The following FAF1 variants were observed in gnomAD, a reference collection of about 807,000 sequenced individuals.
The protein encoded by FAF1 is FAS-associated factor 1.
FAF1 carries 25 observed loss-of-function variants against 92.5 expected under a neutral mutation model. That is an observed-to-expected ratio of 0.27 (90% CI 0.20 to 0.38). FAF1 has a LOEUF of 0.38. Among genes scored for constraint, FAF1 ranks in the 10% least tolerant of loss-of-function variants. The pLI is 1.00. For synonymous variants in FAF1, 234 were observed against 273.2 expected (o/e 0.86, Z 1.42); for missense variants, 636 against 793.3 (o/e 0.80, Z 2.38).
At chr1:50,842,594 T>C (rs1644264874) in intron 2 of FAF1, among the ~76,000 whole-genome samples, 1 of 152,076 alleles carries the variant, frequency 6.6e-6, no homozygotes, top group African/African-American at 2.4e-5. Context: ...CTTTGCTCAC[T>C]ATATTCTAGC....
At chr1:50,913,883 C>A (rs1232889215) in intron 1 of FAF1, among the ~76,000 whole-genome samples, 1 of 152,176 alleles carries the variant, frequency 6.6e-6, no homozygotes, top group Non-Finnish European at 1.5e-5. Context: ...TGTTCTGTTT[C>A]CATGCTCACC....
chr1:50,613,758 T>C (rs1652780595), intron 8 of FAF1, among the ~76,000 whole-genome samples: 1 of 151,856 alleles, frequency 6.6e-6, no homozygotes, highest in Non-Finnish European at 1.5e-5. Flanking sequence ...TTCTTATATA[T>C]ACACATGCAT....
intron 7 of FAF1, among the ~76,000 whole-genome samples, chr1:50,686,538 A>G (rs557253984): frequency 7.0e-6 from 1 of 142,408 alleles, no homozygotes; most frequent in African/African-American, 2.6e-5. Context: ...GCGAAACTCT[A>G]TCTCAAAGAA....
intron 6 of FAF1, among the ~76,000 whole-genome samples, chr1:50,707,869 C>G (rs1048979260): frequency 3.3e-5 from 5 of 152,154 alleles, no homozygotes; most frequent in African/African-American, 1.2e-4. Context: ...CTGGAAACTA[C>G]CATAGGAGTT....
intron 1 of FAF1, among the ~76,000 whole-genome samples, chr1:50,920,702 A>T (rs1276152457): frequency 6.6e-6 from 1 of 152,256 alleles, no homozygotes; most frequent in Non-Finnish European, 1.5e-5. Context: ...AATATTCAAA[A>T]AAATTAATAA....
At chr1:50,870,348 T>C (rs958439160) in intron 1 of FAF1, among the ~76,000 whole-genome samples, 1 of 152,092 alleles carries the variant, frequency 6.6e-6, no homozygotes, top group Non-Finnish European at 1.5e-5. Context: ...TCCCAGCTAC[T>C]CGGAAGGCTG....
intron 5 of FAF1, among the ~76,000 whole-genome samples, chr1:50,743,080 T>A (rs1017010541): frequency 6.6e-6 from 1 of 152,228 alleles, no homozygotes; most frequent in African/African-American, 2.4e-5. Context: ...ATTAAGTAGC[T>A]GTATGGCACA....
chr1:50,819,284 C>T (rs1305719607), intron 2 of FAF1, among the ~76,000 whole-genome samples: 2 of 151,684 alleles, frequency 1.3e-5, no homozygotes, highest in African/African-American at 4.8e-5. Context: ...TATATGTGTG[C>T]CAAAATTCAT....
chr1:50,463,619 G>A (rs1646459598), intron 18 of FAF1, among the ~76,000 whole-genome samples: 1 of 152,206 alleles, frequency 6.6e-6, no homozygotes, highest in Admixed American at 6.5e-5. Context: ...TACTATCTAT[G>A]CTTTAGGGTT....
chr1:50,496,593 G>A (rs746849337), intron 15 of FAF1, among the ~76,000 whole-genome samples: 7 of 152,168 alleles, frequency 4.6e-5, no homozygotes, highest in African/African-American at 7.2e-5. Flanking sequence ...GTGAGGAGGT[G>A]TAAAAGTTAT....
At chr1:50,472,861 C>T (rs1375623504) in intron 18 of FAF1, among the ~76,000 whole-genome samples, 2 of 152,138 alleles carry the variant, frequency 1.3e-5, no homozygotes, top group East Asian at 3.8e-4. Context: ...AATAGCCTTG[C>T]AAAAACACTA....
intron 6 of FAF1, among the ~76,000 whole-genome samples, chr1:50,723,755 CT>C (rs1434711680): frequency 1.3e-5 from 2 of 150,804 alleles, no homozygotes; most frequent in Non-Finnish European, 3.0e-5. Context: ...CTTTTTTTTT[CT>C]TTTTTTTCTG....
At chr1:50,833,472 G>C (rs1644173273) in intron 2 of FAF1, among the ~76,000 whole-genome samples, 1 of 152,128 alleles carries the variant, frequency 6.6e-6, no homozygotes, top group Non-Finnish European at 1.5e-5. Context: ...GCACCTCACT[G>C]CATTCACCAA....
At chr1:50,891,110 T>A (rs1194196361) in intron 1 of FAF1, among the ~76,000 whole-genome samples, 1 of 152,230 alleles carries the variant, frequency 6.6e-6, no homozygotes, top group Non-Finnish European at 1.5e-5. Context: ...TTCATTCATT[T>A]GGTCTTCAAT....
At chr1:50,510,615 C>T (rs1647122268) in intron 15 of FAF1, among the ~76,000 whole-genome samples, 1 of 152,116 alleles carries the variant, frequency 6.6e-6, no homozygotes, top group South Asian at 2.1e-4. Context: ...AAAATAAGAA[C>T]ATTAGAGGTC....
At chr1:50,478,232 C>T (rs1398347848) in intron 17 of FAF1, among the ~76,000 whole-genome samples, 3 of 150,774 alleles carry the variant, frequency 2.0e-5, no homozygotes, top group Admixed American at 6.6e-5. Context: ...GGCGCAATCT[C>T]GGCTCTCTGC....
intron 4 of FAF1, among the ~76,000 whole-genome samples, chr1:50,757,106 G>A (rs1660107159): frequency 6.6e-6 from 1 of 152,050 alleles, no homozygotes; most frequent in African/African-American, 2.4e-5. Flanking sequence ...TTCCATTGTT[G>A]CCAGAACACT....
Position 50,441,397 on chromosome 1 carries a change from G to C in FAF1, c.*43C>G. 1 of 1,293,574 alleles carries C rather than the reference G, an allele frequency of 7.7e-7. No individual in the cohort carries two copies. The highest frequency in any genetic ancestry group is 2.4e-4 in the Middle Eastern group (1 of 4,192). The allele number at this position is 1,293,574 out of a possible 1,614,324, so 80.1% of individuals were successfully genotyped here. ...AGGAGCCCTTCTCCTGACGCAGGCT[G>C]CTGGCTTGTCAAGGAATGGCTGGTT... On this transcript the variant is annotated 3_prime_UTR_variant, in exon 19 of 19. Transcript: ENST00000396153.
At chr1:50,575,901 T>C (rs1490785029) in intron 12 of FAF1, among the ~76,000 whole-genome samples, 1 of 152,246 alleles carries the variant, frequency 6.6e-6, no homozygotes, top group East Asian at 1.9e-4. Flanking sequence ...TGATGGCATT[T>C]AGATTTCTTT....
Sources: gnomAD v4.1 joint callset for allele counts (sites outside exome capture counted in the v4.1 genomes callset) on GRCh38, gnomAD v4.1.1 for gene constraint, MANE v1.5 for transcripts, NCBI Gene and HGNC (gene_info 2026-07-23, HGNC 2026-07-21) for gene names.